The following BLZF1 variants were observed in gnomAD, a reference collection of about 807,000 sequenced individuals.
BLZF1 encodes basic leucine zipper nuclear factor 1.
In BLZF1, 39 loss-of-function variants were observed where a neutral mutation model predicts 43.8. The observed-to-expected ratio is 0.89, with a 90% CI of 0.69 to 1.16. The LOEUF (loss-of-function observed/expected upper bound fraction) is 1.16. Among genes scored for constraint, BLZF1 ranks in the 50% most tolerant of loss-of-function variants. The probability of loss-of-function intolerance (pLI) is 0.00; values close to 1 mark genes in which losing one functional copy is unlikely to be tolerated. For missense variants in BLZF1, 449 were observed against 469.8 expected, an observed-to-expected ratio of 0.96 and a Z score of 0.41; for synonymous variants, 136 against 159.4, an observed-to-expected ratio of 0.85 and a Z score of 1.11.
intron 2 of BLZF1, among the ~76,000 whole-genome samples, chr1:169,370,150 T>C (rs1048317037): frequency 2.0e-5 from 3 of 152,210 alleles, no homozygotes; most frequent in Non-Finnish European, 4.4e-5. Flanking sequence ...TCACATGGCA[T>C]TCTCCCTATG....
At chr1:169,377,054 C>T in intron 3 of BLZF1, 75 bp downstream of exon 3, 1 of 1,214,212 alleles carries the variant, frequency 8.2e-7, no homozygotes, top group Admixed American at 2.3e-5. Flanking sequence ...TGTTAGAAAA[C>T]TACATTTCTT....
At chr1:169,372,971 A>G (rs1188786363) in intron 2 of BLZF1, among the ~76,000 whole-genome samples, 2 of 152,186 alleles carry the variant, frequency 1.3e-5, no homozygotes, top group Admixed American at 1.3e-4. Context: ...GACCTATGTT[A>G]TCAAAAAATT....
intron 3 of BLZF1, 157 bp downstream of exon 3, chr1:169,377,136 A>G: frequency 1.5e-6 from 1 of 669,050 alleles, no homozygotes; most frequent in Non-Finnish European, 2.6e-6. Flanking sequence ...ATTCTTTCTC[A>G]GTTCTCTAGG....
chr1:169,379,860 C>G (rs1654471594), intron 4 of BLZF1, among the ~76,000 whole-genome samples: 1 of 151,716 alleles, frequency 6.6e-6, no homozygotes, highest in Non-Finnish European at 1.5e-5. Flanking sequence ...GGATAAGTCT[C>G]TAAGATAAAT....
At chr1:169,377,139 T>C in intron 3 of BLZF1, 160 bp downstream of exon 3, 2 of 657,776 alleles carry the variant, frequency 3.0e-6, no homozygotes, top group Non-Finnish European at 5.2e-6. Context: ...CTTTCTCAGT[T>C]CTCTAGGGAT....
chr1:169,387,084 A>G lies in BLZF1; in HGVS notation c.1105A>G (p.Thr369Ala), dbSNP rs138679316. 7 of 1,613,470 alleles carry G rather than the reference A, an allele frequency of 4.3e-6. No individual in the cohort carries two copies. Among genetic ancestry groups the G allele is most frequent in the African/African-American group, 2.7e-5 (2 of 74,872 alleles). The stretch of plus-strand genomic sequence containing the variant: ...GTCTTCACCAACCACCTTACTTGCT[A>G]CAAAGAAAAATATTGGACGATTTCA... Reference protein sequence around the residue: ...FESSPTTLLATKKNIGRFHPY... With the variant: ...FESSPTTLLAAKKNIGRFHPY... Residue 369 changes from threonine (T) to alanine (A), a missense_variant, in exon 7 of 7, where the codon ACA becomes GCA. By Grantham distance (58) the Thr-to-Ala change is moderately conservative. Coordinates refer to ENST00000367808, the MANE Select transcript of BLZF1 (RefSeq NM_001320973.2).
intron 3 of BLZF1, 125 bp downstream of exon 3, chr1:169,377,104 A>G: frequency 1.2e-6 from 1 of 803,472 alleles, no homozygotes; most frequent in Non-Finnish European, 2.0e-6. Context: ...AGTTCTCTAA[A>G]ATGCTTCCTC....
At chr1:169,375,393 C>CATATATATAT (rs58679820) in intron 2 of BLZF1, among the ~76,000 whole-genome samples, 1,715 of 85,574 alleles carry the variant, frequency 0.02, 93 homozygotes, top group Non-Finnish European at 0.025. Flanking sequence ...ATATATAAAA[C>CATATATATAT]ATATATATAT....
At chr1:169,376,257 G>A (rs1010339481) in intron 2 of BLZF1, among the ~76,000 whole-genome samples, 41 of 151,956 alleles carry the variant, frequency 2.7e-4, no homozygotes, top group African/African-American at 9.4e-4. Context: ...TTGCAAATTA[G>A]GAAATAGAGA....
chr1:169,376,942 A>G lies in BLZF1; in HGVS notation c.431A>G (p.Lys144Arg), dbSNP rs771146410. 3.7e-6 allele frequency: 6 copies of G among 1,613,120 alleles called. No individual in the cohort carries two copies. Among genetic ancestry groups the G allele is most frequent in the Non-Finnish European group, 4.2e-6 (5 of 1,179,494 alleles). Residue 144 changes from lysine to arginine, a missense_variant, in exon 3 of 7, where the codon AAA (lysine) becomes AGA (arginine). By Grantham distance (26) the Lys-to-Arg change is conservative. Transcript: ENST00000367808. ...TCTGAAAGAAGGTTACTACAGGACA[A>G]AGAAGGTCTTTCAAACCAGCTCCGT... ...KNSERRLLQDKEGLSNQLRVQ... is the reference protein window; with the variant it reads ...KNSERRLLQDREGLSNQLRVQ...
chr1:169,382,980 T>A (rs574333069), intron 6 of BLZF1, among the ~76,000 whole-genome samples: 1 of 152,148 alleles, frequency 6.6e-6, no homozygotes, highest in African/African-American at 2.4e-5. Flanking sequence ...TTGGTCCCTA[T>A]ATTTTTTTAT....
chr1:169,369,388 T>G, intron 1 of BLZF1, 85 bp from the exon 2 acceptor site: 1 of 662,460 alleles, frequency 1.5e-6, no homozygotes, highest in Non-Finnish European at 2.5e-6. Flanking sequence ...ACAGAAGCAA[T>G]TAAAATATCA....
At chr1:169,388,631 T>C (rs1303674469), downstream of BLZF1, among the ~76,000 whole-genome samples, 1 of 152,174 alleles carries the variant, frequency 6.6e-6, no homozygotes, top group African/African-American at 2.4e-5. Context: ...GATAACTGTC[T>C]AGTGTCCAGA....
intron 7 of BLZF1, among the ~76,000 whole-genome samples, chr1:169,394,310 A>G (rs1257526565): frequency 1.3e-5 from 2 of 152,214 alleles, no homozygotes; most frequent in African/African-American, 2.4e-5. Context: ...AGTATTACAC[A>G]TAATTGCTAT....
intron 7 of BLZF1, chr1:169,395,255 C>T (rs766760106): frequency 1.1e-5 from 16 of 1,474,012 alleles, no homozygotes; most frequent in Non-Finnish European, 1.5e-5. Context: ...CCTGAATACA[C>T]TCTTCATGCT....
intron 6 of BLZF1, among the ~76,000 whole-genome samples, chr1:169,382,748 T>C (rs1228455247): frequency 6.6e-6 from 1 of 152,196 alleles, no homozygotes; most frequent in Admixed American, 6.5e-5. Flanking sequence ...AATACTCATC[T>C]CACATGTCTG....
At chr1:169,383,260 A>G (rs1654576349) in intron 6 of BLZF1, among the ~76,000 whole-genome samples, 1 of 152,152 alleles carries the variant, frequency 6.6e-6, no homozygotes, top group African/African-American at 2.4e-5. Context: ...GCCTATCTGT[A>G]TGGCAGCATA....
intron 2 of BLZF1, among the ~76,000 whole-genome samples, chr1:169,373,534 C>T (rs1429492086): frequency 2.0e-5 from 3 of 152,164 alleles, no homozygotes; most frequent in African/African-American, 4.8e-5. Context: ...CTGGCTCTTA[C>T]GGCCTGTTTA....
Position 169,382,129 on chromosome 1 carries a change from C to T in BLZF1, c.865C>T (p.Pro289Ser), listed in dbSNP as rs1257675762. The change falls in exon 6 of 7, where the codon CCC becomes TCC. Residue 289 changes from proline (P) to serine (S), a missense_variant. Physicochemically the swap from Pro to Ser is moderately conservative, Grantham distance 74. Coordinates refer to ENST00000367808, the MANE Select transcript of BLZF1 (RefSeq NM_001320973.2). ...GCAAACTTACTCCCCTAGTGTACAACCCCACAGCACAGCAGAGCTAGCATT... is the reference window on the plus strand; with the variant it reads ...GCAAACTTACTCCCCTAGTGTACAATCCCACAGCACAGCAGAGCTAGCATT... ...REQTYSPSVQ[P>S]HSTAELALTN... 6.2e-7 allele frequency: 1 copy of T among 1,613,854 alleles called. No homozygotes were observed. Among genetic ancestry groups the T allele is most frequent in the Non-Finnish European group, 8.5e-7 (1 of 1,179,790 alleles).
Sources: gnomAD v4.1 joint callset for allele counts (sites outside exome capture counted in the v4.1 genomes callset) on GRCh38, gnomAD v4.1.1 for gene constraint, MANE v1.5 for transcripts, NCBI Gene and HGNC (gene_info 2026-07-23, HGNC 2026-07-21) for gene names.